The following USH2A variants were observed in gnomAD, a reference collection of about 807,000 sequenced individuals.
USH2A encodes Usher syndrome 2A (autosomal recessive, mild).
A neutral mutation model predicts 538.9 loss-of-function variants in USH2A; 443 were observed. The ratio of observed to expected loss-of-function variants is 0.82; its 90% confidence interval spans 0.76 to 0.89. The LOEUF is 0.89. USH2A is among the 40% of genes least tolerant of loss of function. The pLI, the probability that USH2A is intolerant of heterozygous loss-of-function variation, is 0.00. For synonymous variants in USH2A, 2,413 were observed against 2,273.5 expected (o/e 1.06, Z -1.75); for missense variants, 6,633 against 6,324.8 (o/e 1.05, Z -1.65).
Position 216,099,989 on chromosome 1 carries a change from A to G in USH2A, c.4628-2776T>C, listed in dbSNP as rs1006363649. ...TGTAGAAAAAGAACAAGAGCCTTTA[A>G]TGGAAATGTCCACATTTCAGAAAAG... is the stretch of plus-strand genomic sequence containing the variant. On this transcript the variant is annotated intron_variant, in intron 21 of 71. Coordinates refer to ENST00000307340, the MANE Select transcript of USH2A (RefSeq NM_206933.4). 3.9e-5 allele frequency among the ~76,000 whole-genome samples: 6 copies of G among 152,208 alleles called. No individual in the cohort carries two copies. In the East Asian group the frequency reaches 1.2e-3, roughly 29 times the overall value.
At chr1:215,982,795 T>G (rs1667779899) in intron 35 of USH2A, among the ~76,000 whole-genome samples, 1 of 152,052 alleles carries the variant, frequency 6.6e-6, no homozygotes, top group African/African-American at 2.4e-5. Flanking sequence ...AGAACAGACA[T>G]TAGAGGTATT....
intron 67 of USH2A, among the ~76,000 whole-genome samples, chr1:215,643,390 A>G (rs1447185038): frequency 6.6e-6 from 1 of 152,062 alleles, no homozygotes; most frequent in African/African-American, 2.4e-5. Flanking sequence ...GTATTTTAGA[A>G]CCTGTATCAT....
Position 216,175,409 on chromosome 1 carries a change from A to G in USH2A, c.4470T>C (p.Pro1490=), listed in dbSNP as rs1288968565. The change falls in exon 21 of 72, where the codon CCT becomes CCC. Residue 1490 remains proline (P), a synonymous_variant. Transcript: ENST00000307340. ...STTIHLRWFP[P]EELNGPSPIY... is the part of the protein sequence containing the mutation. ...TAGGAGAGGGTCCATTCAGTTCTTC[A>G]GGTGGAAACCACCTAAGATGGATTG... is the stretch of plus-strand genomic sequence containing the variant. The G allele has an allele frequency of 1.9e-6, 3 of 1,613,680 alleles. No homozygotes were observed. The highest frequency in any genetic ancestry group is 2.7e-5 in the African/African-American group (2 of 74,918).
At chr1:216,117,818 A>G (rs1056952802) in intron 21 of USH2A, among the ~76,000 whole-genome samples, 5 of 145,018 alleles carry the variant, frequency 3.4e-5, no homozygotes, top group African/African-American at 1.2e-4. Context: ...ATATATGTAT[A>G]TATATATACA....
rs575343227 is a variant in USH2A, at chr1:216,115,027, T to G, written c.4628-17814A>C. Among the ~76,000 whole-genome samples, 7 of 152,296 alleles carry G rather than the reference T, an allele frequency of 4.6e-5. No individual in the cohort carries two copies. The South Asian group carries it at 1.5e-3, about 32-fold the overall frequency. The stretch of plus-strand genomic sequence containing the variant: ...GTATGTATAGAGAGAGCTCTATCTA[T>G]GTAGATATAGGCATCTATGTATCTT... On this transcript the variant is annotated intron_variant, in intron 21 of 71. Transcript: ENST00000307340.
At position 216,048,574 on chromosome 1, in the gene USH2A, A is replaced by C; in HGVS notation, c.6123T>G (p.Thr2041=). Residue 2041 remains threonine, a synonymous_variant, in exon 31 of 72, where the codon ACT becomes ACG. Coordinates refer to ENST00000307340, the MANE Select transcript of USH2A (RefSeq NM_206933.4). Reference sequence around the variant, plus strand: ...AGATGTTCAATGCATGTGAGCTCTCAGTACAGCCAGCCAAAGTGCAAGCAG... The same window carrying C: ...AGATGTTCAATGCATGTGAGCTCTCCGTACAGCCAGCCAAAGTGCAAGCAG... The part of the protein sequence containing the change: ...TLTACTLAGC[T]ESSHALNIST... 1 of 1,614,166 alleles carries C rather than the reference A, an allele frequency of 6.2e-7. No individual in the cohort carries two copies. Among genetic ancestry groups the C allele is most frequent in the Non-Finnish European group, 8.5e-7 (1 of 1,179,990 alleles).
intron 21 of USH2A, among the ~76,000 whole-genome samples, chr1:216,129,351 T>A (rs1452607275): frequency 2.6e-5 from 4 of 152,106 alleles, no homozygotes; most frequent in Non-Finnish European, 5.9e-5. Flanking sequence ...GCGGCTATAC[T>A]AATTTGCATT....
Position 215,675,380 on chromosome 1 carries a change from C to T in USH2A, c.12531G>A (p.Glu4177=), listed in dbSNP as rs1266743108. 1.9e-6 allele frequency: 3 copies of T among 1,614,128 alleles called. No individual in the cohort carries two copies. The highest frequency in any genetic ancestry group is 1.7e-5 in the Admixed American group (1 of 60,022). ...TTATTTTTCCATTTGGGTTAACAGG[C>T]TCAGACCAGCTCAGCTCAACACTGG... ...KSTSVELSWS[E]PVNPNGKIIR... Residue 4177 remains glutamate, a synonymous_variant, in exon 63 of 72, where the codon GAG becomes GAA. Coordinates refer to ENST00000307340, the MANE Select transcript of USH2A (RefSeq NM_206933.4).
intron 47 of USH2A, among the ~76,000 whole-genome samples, chr1:215,831,931 G>A (rs972500360): frequency 2.6e-5 from 4 of 151,792 alleles, no homozygotes; most frequent in Non-Finnish European, 5.9e-5. Flanking sequence ...ACAGAAAAAC[G>A]GGGGCACTTA....
intron 30 of USH2A, among the ~76,000 whole-genome samples, chr1:216,063,792 G>T (rs558125866): frequency 1.3e-5 from 2 of 152,272 alleles, no homozygotes; most frequent in African/African-American, 2.4e-5. Flanking sequence ...TAAGTGAAAT[G>T]ATATACAACA....
chr1:215,763,978 G>C (rs975140485), intron 56 of USH2A, among the ~76,000 whole-genome samples: 2 of 152,302 alleles, frequency 1.3e-5, no homozygotes, highest in South Asian at 4.1e-4. Context: ...TGATAGGTAG[G>C]TGGTAGTATT....
intron 47 of USH2A, among the ~76,000 whole-genome samples, chr1:215,827,482 A>G (rs1479338171): frequency 5.9e-5 from 9 of 152,144 alleles, no homozygotes; most frequent in Non-Finnish European, 1.2e-4. Flanking sequence ...AATAAGCCCA[A>G]TATTCTCTTT....
At position 215,766,319 on chromosome 1, in the gene USH2A, C is replaced by A. The variant is rs182986370; in HGVS notation, c.11047+362G>T. Among the ~76,000 whole-genome samples the A allele has an allele frequency of 2.4e-3, 363 of 152,252 alleles. 6 individuals carry two copies. Among genetic ancestry groups the A allele is most frequent in the Non-Finnish European group, 1.6e-3 (112 of 68,012 alleles). Reference sequence around the variant, plus strand: ...CATACAGATCTTTCTCCTATCACTTCTACTTGATTGTCAGTCTTGAGGGCA... The same window carrying A: ...CATACAGATCTTTCTCCTATCACTTATACTTGATTGTCAGTCTTGAGGGCA... On this transcript the variant is annotated intron_variant, in intron 56 of 71. Transcript: ENST00000307340.
chr1:215,680,220 C>T lies in USH2A; in HGVS notation c.12223G>A (p.Glu4075Lys). The change falls in exon 62 of 72, where the codon GAA becomes AAA. Residue 4075 changes from glutamate (E) to lysine (K), a missense_variant. By Grantham distance (56) the Glu-to-Lys change is moderately conservative. Transcript: ENST00000307340. ...SPSGLRNFIV[E>K]QKENGRALLL... ...AATGCCCGGCCATTCTCTTTCTGTT[C>T]TACTATAAAGTTTCTCAGTCCACTT... 5 of 1,614,164 alleles carry T rather than the reference C, an allele frequency of 3.1e-6. No homozygotes were observed. Among genetic ancestry groups the T allele is most frequent in the African/African-American group, 1.3e-5 (1 of 75,046 alleles).
chr1:215,997,425 C>A (rs545214590), intron 34 of USH2A, among the ~76,000 whole-genome samples: 1 of 152,088 alleles, frequency 6.6e-6, no homozygotes, highest in East Asian at 1.9e-4. Flanking sequence ...TCATTTAGTT[C>A]AATGTTCTAA....
chr1:215,728,163 G>A lies in USH2A; in HGVS notation c.11933C>T (p.Ala3978Val). 2 of 1,614,182 alleles carry A rather than the reference G, an allele frequency of 1.2e-6. No individual in the cohort carries two copies. Among genetic ancestry groups the A allele is most frequent in the South Asian group, 1.1e-5 (1 of 91,082 alleles). The stretch of plus-strand genomic sequence containing the variant: ...TGTCCAATTCAACAGAACTGAATGA[G>A]CACTCGTGGCTTGAGCCCAAGGAGC... ...FPAPWAQATS[A>V]HSVLLNWTKP... The change falls in exon 61 of 72, where the codon GCT becomes GTT. Residue 3978 changes from alanine (A) to valine (V), a missense_variant. By Grantham distance (64) the Ala-to-Val change is moderately conservative. Coordinates refer to ENST00000307340, the MANE Select transcript of USH2A (RefSeq NM_206933.4).
chr1:216,054,688 C>T (rs374355015), intron 30 of USH2A, among the ~76,000 whole-genome samples: 3 of 151,882 alleles, frequency 2.0e-5, no homozygotes, highest in Non-Finnish European at 2.9e-5. Flanking sequence ...AGCTGCCAAC[C>T]AAGGTGTTTG....
intron 38 of USH2A, chr1:215,901,193 A>G (rs1345811487): frequency 2.3e-5 from 10 of 440,478 alleles, no homozygotes; most frequent in Non-Finnish European, 3.8e-5. Flanking sequence ...AATTGAAAAC[A>G]TGGAGGGAAT....
chr1:216,199,238 C>T (rs971957512), intron 17 of USH2A, among the ~76,000 whole-genome samples: 8 of 152,064 alleles, frequency 5.3e-5, no homozygotes, highest in Admixed American at 3.9e-4. Context: ...TTTTTTGTAT[C>T]ATTTTATATC....
Sources: gnomAD v4.1 joint callset for allele counts (sites outside exome capture counted in the v4.1 genomes callset) on GRCh38, gnomAD v4.1.1 for gene constraint, MANE v1.5 for transcripts, NCBI Gene and HGNC (gene_info 2026-07-23, HGNC 2026-07-21) for gene names.